RSRP1: variants seen among roughly 807,000 people sequenced by gnomAD.
RSRP1 encodes arginine/serine-rich protein 1.
In RSRP1, 37 loss-of-function variants were observed where a neutral mutation model predicts 33.0. The ratio of observed to expected loss-of-function variants is 1.12; its 90% CI spans 0.86 to 1.48. The LOEUF is 1.48. Among genes scored for constraint, RSRP1 ranks in the 40% most tolerant of loss-of-function variants. RSRP1 has a pLI of 0.00. For synonymous variants in RSRP1, 167 were observed against 158.7 expected (o/e 1.05, Z -0.40); for missense variants, 402 against 385.3 (o/e 1.04, Z -0.36).
At position 25,306,129 on chromosome 1, in the gene RSRP1, C is replaced by T. The variant is rs183365219; in HGVS notation, c.-67+31849G>A. 1.5e-5 allele frequency among the ~76,000 whole-genome samples: 2 copies of T among 131,412 alleles called. 1 individual carries two copies. Among genetic ancestry groups the T allele is most frequent in the Non-Finnish European group, 3.6e-5 (2 of 55,674 alleles). 86.2% of individuals were successfully genotyped at this position (131,412 alleles called of 152,430 possible). On this transcript the variant is annotated intron_variant, in intron 1 of 1. Transcript: ENST00000561867. The stretch of plus-strand genomic sequence containing the variant: ...TTGGGCTAGACCAGTGGGTCTTGGT[C>T]ACCCCCCAGGGGACATCTTACAATG...
rs1406038798 is a variant in RSRP1 at position 25,280,375 on chromosome 1, G to A, written c.-66-33346C>T. ...GGCTGGAGTACAGTGGTGCGATCTC[G>A]GCTCACTGCAACCTCAGCCTTCTGG... On this transcript the variant is annotated intron_variant, in intron 1 of 1. Transcript: ENST00000561867. Among the ~76,000 whole-genome samples, 42 of 122,790 alleles carry A rather than the reference G, an allele frequency of 3.4e-4. 13 individuals carry two copies. Among genetic ancestry groups the A allele is most frequent in the Non-Finnish European group, 6.9e-4 (36 of 52,428 alleles). The allele number at this position is 122,790 out of a possible 152,430, so 80.6% of individuals were successfully genotyped here.
chr1:25,251,033 A>G (rs564398148), upstream of RSRP1, among the ~76,000 whole-genome samples: 5 of 152,106 alleles, frequency 3.3e-5, no homozygotes, highest in African/African-American at 1.2e-4. Context: ...TTAAAAAAAA[A>G]AAAGAAAGAA....
chr1:25,245,419 T>C, intron 2 of RSRP1, 118 bp from the exon 3 acceptor site: 1 of 1,329,476 alleles, frequency 7.5e-7, no homozygotes, highest in Non-Finnish European at 1.0e-6. Context: ...TTAAGTCACT[T>C]GTTTTATAAT....
intron 1 of RSRP1, among the ~76,000 whole-genome samples, chr1:25,264,208 G>A (rs1343282288): frequency 8.6e-5 from 13 of 151,948 alleles, no homozygotes; most frequent in Non-Finnish European, 1.8e-4. Context: ...TCCACTAGGT[G>A]GTGCCCCAGT....
In RSRP1 at chr1:25,289,259, G is replaced by A. The variant is rs113408076; in HGVS notation, c.-66-42230C>T. On this transcript the variant is annotated intron_variant, in intron 1 of 1. Transcript: ENST00000561867. ...GCCCAGGCTGGAGTGCAGTGGTGCA[G>A]TCTCGGCCCACTGAAACCTCTGCCT... 2.3e-5 allele frequency among the ~76,000 whole-genome samples: 3 copies of A among 132,416 alleles called. 1 individual carries two copies. The highest frequency in any genetic ancestry group is 3.6e-5 in the Non-Finnish European group (2 of 55,880). The allele number at this position is 132,416 out of a possible 152,430, so 86.9% of individuals were successfully genotyped here. A position where few individuals can be genotyped will look rare whatever the true frequency, so the allele number is the denominator to read the frequency against.
chr1:25,271,568 C>A (rs1482737800), intron 1 of RSRP1, among the ~76,000 whole-genome samples: 7 of 132,830 alleles, frequency 5.3e-5, no homozygotes, highest in Admixed American at 5.1e-4. Context: ...CTTCCTCCCT[C>A]TCTACATCCC....
upstream of RSRP1, among the ~76,000 whole-genome samples, chr1:25,250,748 C>T (rs1268735910): frequency 1.3e-5 from 2 of 152,140 alleles, no homozygotes; most frequent in South Asian, 2.1e-4. Context: ...CGGTGGCTCA[C>T]GCCTGTAATC....
chr1:25,295,843 A>C lies in RSRP1; in HGVS notation c.-67+42135T>G, dbSNP rs1642891938. Among the ~76,000 whole-genome samples, 2 of 95,246 alleles carry C rather than the reference A, an allele frequency of 2.1e-5. 1 individual carries two copies. Among genetic ancestry groups the C allele is most frequent in the Non-Finnish European group, 4.8e-5 (2 of 41,338 alleles). The allele number at this position is 95,246 out of a possible 152,430, so 62.5% of individuals were successfully genotyped here. ...AAAGAACAATGGTCTGGGAGGGAAT[A>C]TGGGAAATTTTTTTTTTTTTTTTTT... On this transcript the variant is annotated intron_variant, in intron 1 of 1. Coordinates refer to the RSRP1 transcript ENST00000561867.
rs1240705981 is a variant in RSRP1 at position 25,300,327 on chromosome 1, C to T, written c.-67+37651G>A. Among the ~76,000 whole-genome samples the T allele has an allele frequency of 5.4e-5, 7 of 129,498 alleles. 1 individual carries two copies. Among genetic ancestry groups the T allele is most frequent in the African/African-American group, 1.9e-4 (7 of 37,528 alleles). 85.0% of individuals were successfully genotyped at this position (129,498 alleles called of 152,430 possible). On this transcript the variant is annotated intron_variant, in intron 1 of 1. Coordinates refer to the RSRP1 transcript ENST00000561867. ...AGGAGTTCAAGACCAGCCTGAGCAA[C>T]ATAGCAAGATTCCATCTTTACACAA...
chr1:25,247,027 T>G lies in RSRP1; in HGVS notation c.-64A>C. 1 of 1,427,586 alleles carries G rather than the reference T, an allele frequency of 7.0e-7. No homozygotes were observed. The highest frequency in any genetic ancestry group is 9.3e-7 in the Non-Finnish European group (1 of 1,070,446). The allele number at this position is 1,427,586 out of a possible 1,614,324, so 88.4% of individuals were successfully genotyped here. On this transcript the variant is annotated splice_region_variant and 5_prime_UTR_variant, in exon 2 of 5. Coordinates refer to ENST00000243189, the MANE Select transcript of RSRP1 (RefSeq NM_020317.5). ...GATCCCGCAAGCCTCAACTCAGGACTTCCTAAAAAACCAAGAGAGAAAAAA... is the reference window on the plus strand; with the variant it reads ...GATCCCGCAAGCCTCAACTCAGGACGTCCTAAAAAACCAAGAGAGAAAAAA...
Position 25,321,209 on chromosome 1 carries a change from T to C in RSRP1, c.-67+16769A>G, listed in dbSNP as rs1044861. ...AAGACAGACCTATAGGAGCACCCAA[T>C]TGGAGTCACCCTCCATAGTAGCCCA... On this transcript the variant is annotated intron_variant, in intron 1 of 1. Transcript: ENST00000561867. Among the ~76,000 whole-genome samples the C allele has an allele frequency of 3.0e-4, 39 of 129,132 alleles. 9 individuals are homozygous for C. The highest frequency in any genetic ancestry group is 1.2e-3 in the Admixed American group (16 of 13,034). The allele number at this position is 129,132 out of a possible 152,430, so 84.7% of individuals were successfully genotyped here.
At chr1:25,260,022 T>C (rs538036441) in intron 1 of RSRP1, among the ~76,000 whole-genome samples, 1 of 152,238 alleles carries the variant, frequency 6.6e-6, no homozygotes, top group African/African-American at 2.4e-5. Context: ...ATTATATTAT[T>C]GTTTTCTATT....
chr1:25,253,866 T>C (rs1013015523), intron 1 of RSRP1: 2 of 152,198 alleles, frequency 1.3e-5, no homozygotes, highest in Non-Finnish European at 2.9e-5. Context: ...TCCAGGAGTT[T>C]CCTCCAACGG....
At position 25,276,983 on chromosome 1, in the gene RSRP1, C is replaced by T. The variant is rs1317238957; in HGVS notation, c.-66-29954G>A. On this transcript the variant is annotated intron_variant, in intron 1 of 1. Transcript: ENST00000561867. ...TTGGGAGGCTGAGGCAGGAGAATGG[C>T]GTGAACCCAGGAGGCGGAGCTTTCA... 6.1e-5 allele frequency among the ~76,000 whole-genome samples: 8 copies of T among 131,750 alleles called. 2 individuals carry two copies. The highest frequency in any genetic ancestry group is 4.6e-4 in the South Asian group (2 of 4,318). The allele number at this position is 131,750 out of a possible 152,430, so 86.4% of individuals were successfully genotyped here.
chr1:25,266,799 C>T (rs1640326067), intron 1 of RSRP1: 1 of 135,858 alleles, frequency 7.4e-6, no homozygotes, highest in Admixed American at 6.8e-5. Context: ...GGTGCACCAT[C>T]GGGTCAAAGC....
chr1:25,299,292 G>T (rs1173925841), intron 1 of RSRP1, among the ~76,000 whole-genome samples: 1 of 130,260 alleles, frequency 7.7e-6, no homozygotes, highest in African/African-American at 2.6e-5. Context: ...TGAAGCAGGA[G>T]AATCGCTTGA....
At chr1:25,251,955 A>G (rs567258466), upstream of RSRP1, among the ~76,000 whole-genome samples, 10 of 151,552 alleles carry the variant, frequency 6.6e-5, no homozygotes, top group South Asian at 2.1e-3. Flanking sequence ...CAGTGGTGCA[A>G]TCTCGACTTA....
intron 1 of RSRP1, chr1:25,306,633 C>T (rs758570216): frequency 7.3e-7 from 1 of 1,378,266 alleles, no homozygotes; most frequent in East Asian, 2.2e-5. Flanking sequence ...CCCCACAGCT[C>T]CATCATGGGC....
At chr1:25,261,264 T>C (rs899485797) in intron 1 of RSRP1, among the ~76,000 whole-genome samples, 5 of 152,166 alleles carry the variant, frequency 3.3e-5, no homozygotes, top group African/African-American at 9.7e-5. Context: ...ATTCAGTAAA[T>C]AGCAGTAGTC....
Sources: gnomAD v4.1 joint callset for allele counts (sites outside exome capture counted in the v4.1 genomes callset) on GRCh38, gnomAD v4.1.1 for gene constraint, MANE v1.5 for transcripts, NCBI Gene and HGNC (gene_info 2026-07-23, HGNC 2026-07-21) for gene names.